The following TNS1 variants were observed in gnomAD, a reference collection of about 807,000 sequenced individuals.
The protein encoded by TNS1 is tensin-1.
A neutral mutation model predicts 168.6 loss-of-function variants in TNS1; 62 were observed. The ratio of observed to expected loss-of-function variants is 0.37; its 90% CI spans 0.30 to 0.45. The LOEUF (loss-of-function observed/expected upper bound fraction) is 0.45. Among genes scored for constraint, TNS1 ranks in the 20% least tolerant of loss-of-function variants. The pLI is 1.00. For synonymous variants in TNS1, 934 were observed against 933.2 expected, an observed-to-expected ratio of 1.00 and a Z score of -0.02; for missense variants, 2,240 against 2,339.4, an observed-to-expected ratio of 0.96 and a Z score of 0.88.
At chr2:217,980,502 CACACAG>C (rs1211672054) in intron 2 of TNS1, among the ~76,000 whole-genome samples, 8 of 117,972 alleles carry the variant, frequency 6.8e-5, no homozygotes, top group African/African-American at 3.1e-4. Context: ...CTCCTACACA[CACACAG>C]AGAGAGAGAG....
chr2:217,860,280 G>A (rs1480109414), intron 18 of TNS1, among the ~76,000 whole-genome samples: 2 of 152,102 alleles, frequency 1.3e-5, no homozygotes, highest in African/African-American at 4.8e-5. Flanking sequence ...AGAAAATAAG[G>A]GGAAGAACAA....
chr2:217,893,702 C>A (rs767903950), intron 9 of TNS1, 141 bp from the exon 10 acceptor site: 4 of 1,233,114 alleles, frequency 3.2e-6, no homozygotes, highest in Non-Finnish European at 4.5e-6. Context: ...TTCCTCCCTG[C>A]CCACTGGCCA....
At chr2:217,914,952 C>T (rs890498433) in intron 4 of TNS1, among the ~76,000 whole-genome samples, 1 of 152,214 alleles carries the variant, frequency 6.6e-6, no homozygotes, top group African/African-American at 2.4e-5. Flanking sequence ...GCCCGTCCCA[C>T]GTCTTCTCTC....
intron 8 of TNS1, among the ~76,000 whole-genome samples, chr2:217,897,064 T>C (rs1952386130): frequency 6.6e-6 from 1 of 152,196 alleles, no homozygotes; most frequent in Non-Finnish European, 1.5e-5. Flanking sequence ...CCTGGGAAAC[T>C]AATGCAGCCT....
intron 1 of TNS1, among the ~76,000 whole-genome samples, chr2:218,000,518 C>T (rs930939852): frequency 2.6e-5 from 4 of 152,252 alleles, no homozygotes; most frequent in African/African-American, 9.6e-5. Context: ...CCAGCATTTG[C>T]TGAGCACCTA....
chr2:217,980,862 T>C (rs1164253864), intron 2 of TNS1, among the ~76,000 whole-genome samples: 7 of 152,062 alleles, frequency 4.6e-5, no homozygotes, highest in Admixed American at 4.6e-4. Flanking sequence ...ACACTCCCCC[T>C]CACCCCAGCA....
At chr2:217,867,551 A>C (rs556344272) in intron 18 of TNS1, among the ~76,000 whole-genome samples, 2 of 152,364 alleles carry the variant, frequency 1.3e-5, no homozygotes, top group Admixed American at 1.3e-4. Flanking sequence ...GCCATTACAG[A>C]AAGATCTTTA....
At chr2:218,031,526 A>AGT (rs546603761) in intron 1 of TNS1, among the ~76,000 whole-genome samples, 2 of 128,372 alleles carry the variant, frequency 1.6e-5, no homozygotes, top group Non-Finnish European at 3.3e-5. Context: ...GTCTTGTGTG[A>AGT]GTGTGTGTGT....
chr2:217,958,207 G>C (rs977529225), intron 3 of TNS1, among the ~76,000 whole-genome samples: 2 of 152,108 alleles, frequency 1.3e-5, no homozygotes, highest in East Asian at 1.9e-4. Flanking sequence ...TTAAAAAAAA[G>C]CAAACTGGGT....
intron 4 of TNS1, among the ~76,000 whole-genome samples, chr2:217,913,943 T>C (rs1481929972): frequency 6.6e-6 from 1 of 152,102 alleles, no homozygotes; most frequent in Admixed American, 6.5e-5. Flanking sequence ...TGGTTCTCTC[T>C]TCCCGCCAGC....
intron 18 of TNS1, among the ~76,000 whole-genome samples, chr2:217,851,370 A>G (rs1947461396): frequency 6.6e-6 from 1 of 151,366 alleles, no homozygotes; most frequent in South Asian, 2.1e-4. Context: ...ACACACACAG[A>G]CCACAGGCCA....
chr2:217,949,580 T>TAGATTCCA (rs1957193441), intron 3 of TNS1, among the ~76,000 whole-genome samples: 3 of 152,148 alleles, frequency 2.0e-5, no homozygotes, highest in Admixed American at 2.0e-4. Context: ...GAAAGCTGAG[T>TAGATTCCA]AGATTCCTAG....
In TNS1 at chr2:217,917,555, C is replaced by T. The variant is rs1201563372; in HGVS notation, c.228+2640G>A. ...AATAAAAATTTGAGGTTCGGCCGGG[C>T]GCGCAGTAGCTCACGCCTGTAATCC... On this transcript the variant is annotated intron_variant, in intron 4 of 32. Coordinates refer to ENST00000682258, the MANE Select transcript of TNS1 (RefSeq NM_001387777.1). Among the ~76,000 whole-genome samples, 8 of 152,088 alleles carry T rather than the reference C, an allele frequency of 5.3e-5. No individual in the cohort carries two copies. In the East Asian group the frequency reaches 7.7e-4, roughly 15 times the overall value.
chr2:217,949,895 C>T (rs1179406316), intron 3 of TNS1, among the ~76,000 whole-genome samples: 1 of 152,172 alleles, frequency 6.6e-6, no homozygotes, highest in African/African-American at 2.4e-5. Context: ...CCATAAAAAA[C>T]CTGAATCGAT....
intron 1 of TNS1, among the ~76,000 whole-genome samples, chr2:218,020,203 G>A (rs1263323043): frequency 2.0e-5 from 3 of 152,100 alleles, no homozygotes; most frequent in Non-Finnish European, 2.9e-5. Flanking sequence ...CAGCCATGGC[G>A]GCTGTGGGGG....
intron 3 of TNS1, among the ~76,000 whole-genome samples, chr2:217,941,535 G>C (rs1170325922): frequency 6.6e-6 from 1 of 152,178 alleles, no homozygotes; most frequent in Non-Finnish European, 1.5e-5. Flanking sequence ...TGGCAGGAAG[G>C]AGGGGGCCCC....
upstream of TNS1, among the ~76,000 whole-genome samples, chr2:218,003,554 T>C (rs1958610274): frequency 1.3e-5 from 2 of 151,952 alleles, no homozygotes; most frequent in African/African-American, 4.8e-5. Context: ...ACAGAAGAAA[T>C]AGGGCCCGAG....
At chr2:217,934,122 G>A (rs1029842568) in intron 3 of TNS1, among the ~76,000 whole-genome samples, 19 of 152,214 alleles carry the variant, frequency 1.2e-4, no homozygotes, top group Admixed American at 4.6e-4. Context: ...GTCACACAGC[G>A]ATGAGTGGTT....
chr2:217,987,209 G>C (rs1052442170), intron 2 of TNS1, among the ~76,000 whole-genome samples: 3 of 152,104 alleles, frequency 2.0e-5, no homozygotes, highest in African/African-American at 4.8e-5. Flanking sequence ...CTTTCACACA[G>C]AGCCTTCATC....
Sources: allele counts gnomAD v4.1 joint callset (sites outside exome capture counted in the v4.1 genomes callset), GRCh38; gene constraint gnomAD v4.1.1; transcripts MANE v1.5; gene names NCBI Gene and HGNC (gene_info 2026-07-23, HGNC 2026-07-21).